Variants in AR observed in about 807,000 individuals in gnomAD.
AR encodes androgen receptor, also known as dihydrotestosterone receptor.
In AR, 8 loss-of-function variants were observed where a neutral mutation model predicts 53.9. The observed-to-expected ratio is 0.15, with a 90% CI of 0.09 to 0.27. The LOEUF is 0.27. Ranked by LOEUF, AR falls within the 10% of genes least tolerant of loss-of-function variation. AR has a pLI of 1.00. For missense variants in AR, 639 were observed against 742.5 expected (o/e 0.86, Z 1.62); for synonymous variants, 359 against 316.4 (o/e 1.13, Z -1.43).
chrX:67,696,139 C>T (rs865824566), intron 3 of AR: 8 of 595,876 alleles, frequency 1.3e-5, no homozygotes, highest in African/African-American at 2.7e-5. Flanking sequence ...GATCTTTTTT[C>T]TTTTTTTTTT....
chrX:67,726,488 C>A lies in AR; in HGVS notation c.*2647C>A. ...CTTTACATTTCTCTATCAAATTTTTCATCTTTATGGGTTTCCCAATTGTGA... is the reference window on the plus strand; with the variant it reads ...CTTTACATTTCTCTATCAAATTTTTAATCTTTATGGGTTTCCCAATTGTGA... On this transcript the variant is annotated 3_prime_UTR_variant, in exon 8 of 8. Coordinates refer to ENST00000374690, the MANE Select transcript of AR (RefSeq NM_000044.6). 1 of 175,324 alleles carries A rather than the reference C, an allele frequency of 5.7e-6. No homozygotes were observed. Among genetic ancestry groups the A allele is most frequent in the Non-Finnish European group, 1.1e-5 (1 of 91,463 alleles). 14.4% of individuals were successfully genotyped at this position (175,324 alleles called of 1,213,427 possible). A position where few individuals can be genotyped will look rare whatever the true frequency, so the allele number is the denominator to read the frequency against.
At chrX:67,669,411 A>C (rs1266288451) in intron 2 of AR, among the ~76,000 whole-genome samples, 2 of 111,689 alleles carry the variant, frequency 1.8e-5, no homozygotes, top group African/African-American at 6.5e-5. Flanking sequence ...AAGAAGCTTG[A>C]TATGAATGCA....
chrX:67,634,049 C>A (rs1305814096), intron 1 of AR, among the ~76,000 whole-genome samples: 1 of 110,585 alleles, frequency 9.0e-6, no homozygotes, highest in Non-Finnish European at 1.9e-5. Flanking sequence ...ACTCAGTAAG[C>A]CCATTAAAAA....
chrX:67,603,200 G>T (rs1923462991), intron 1 of AR, among the ~76,000 whole-genome samples: 3 of 111,523 alleles, frequency 2.7e-5, no homozygotes, highest in African/African-American at 9.8e-5. Context: ...GAGAAAATAT[G>T]GAGCCTGGAA....
At chrX:67,627,454 C>A (rs1336466056) in intron 1 of AR, among the ~76,000 whole-genome samples, 1 of 111,945 alleles carries the variant, frequency 8.9e-6, no homozygotes, top group Non-Finnish European at 1.9e-5. Context: ...TGTTCATATC[C>A]TTCGCCCACT....
chrX:67,547,552 C>A (rs1929815084), intron 1 of AR, among the ~76,000 whole-genome samples: 1 of 111,735 alleles, frequency 8.9e-6, no homozygotes, highest in African/African-American at 3.3e-5. Flanking sequence ...TATAACAGAT[C>A]CACAGCCCCC....
chrX:67,642,000 C>T (rs1175640705), intron 1 of AR, among the ~76,000 whole-genome samples: 1 of 110,200 alleles, frequency 9.1e-6, no homozygotes, highest in African/African-American at 3.3e-5. Context: ...TCCTGCACTT[C>T]CCCTCTCCAA....
chrX:67,689,252 T>C (rs2075983023), intron 3 of AR, among the ~76,000 whole-genome samples: 1 of 111,682 alleles, frequency 9.0e-6, no homozygotes, highest in Non-Finnish European at 1.9e-5. Flanking sequence ...TTGAGTGCTT[T>C]GATACATCGT....
At chrX:67,575,994 G>GA (rs1011176158) in intron 1 of AR, among the ~76,000 whole-genome samples, 2 of 111,524 alleles carry the variant, frequency 1.8e-5, no homozygotes, top group African/African-American at 6.5e-5. Context: ...AGAATTATGA[G>GA]AAAAAAAGTC....
chrX:67,652,488 T>G (rs1926391711), intron 2 of AR, among the ~76,000 whole-genome samples: 1 of 112,179 alleles, frequency 8.9e-6, no homozygotes, highest in South Asian at 3.7e-4. Flanking sequence ...AAAAATCTGG[T>G]CAAACCATTT....
chrX:67,560,944 C>T (rs771098443), intron 1 of AR, among the ~76,000 whole-genome samples: 4 of 111,924 alleles, frequency 3.6e-5, no homozygotes, highest in Non-Finnish European at 7.5e-5. Context: ...GGCTAGAAAT[C>T]TCTAGTTTAT....
intron 3 of AR, 105 bp downstream of exon 3, chrX:67,686,231 G>C (rs2075966120): frequency 3.4e-6 from 3 of 884,007 alleles, no homozygotes; most frequent in Admixed American, 5.2e-5. Flanking sequence ...CTTCCAAGGG[G>C]ACCAGCCATG....
At chrX:67,571,410 G>C (rs1921808557) in intron 1 of AR, among the ~76,000 whole-genome samples, 1 of 111,274 alleles carries the variant, frequency 9.0e-6, no homozygotes, top group South Asian at 3.8e-4. Flanking sequence ...GTCAGTCTGT[G>C]ATGTCAGTTG....
At chrX:67,665,364 G>T (rs1461572792) in intron 2 of AR, among the ~76,000 whole-genome samples, 3 of 112,349 alleles carry the variant, frequency 2.7e-5, no homozygotes, top group African/African-American at 6.5e-5. Context: ...TAATAGAAAT[G>T]AACTCTCATT....
At chrX:67,687,196 G>A in intron 3 of AR, among the ~76,000 whole-genome samples, 1 of 111,385 alleles carries the variant, frequency 9.0e-6, no homozygotes, top group Non-Finnish European at 1.9e-5. Context: ...TCTATCTCTG[G>A]CTTTCTGTGA....
intron 1 of AR, among the ~76,000 whole-genome samples, chrX:67,609,938 A>C (rs1417042392): frequency 4.5e-5 from 5 of 111,769 alleles, no homozygotes; most frequent in Non-Finnish European, 9.4e-5. Context: ...AAGACCACTT[A>C]ACTCTTGGAA....
At chrX:67,548,284 G>A (rs1929851447) in intron 1 of AR, among the ~76,000 whole-genome samples, 1 of 111,533 alleles carries the variant, frequency 9.0e-6, no homozygotes, top group Non-Finnish European at 1.9e-5. Flanking sequence ...TTCTTACCAG[G>A]CTTTACATTC....
intron 1 of AR, among the ~76,000 whole-genome samples, chrX:67,605,638 CCA>C (rs985582534): frequency 1.7e-4 from 19 of 111,971 alleles, no homozygotes; most frequent in African/African-American, 6.2e-4. Context: ...TGTTTTACAG[CCA>C]CTCTGTGGGC....
chrX:67,711,054 G>A (rs763807393), intron 3 of AR, among the ~76,000 whole-genome samples: 2 of 111,975 alleles, frequency 1.8e-5, no homozygotes, highest in South Asian at 7.4e-4. Flanking sequence ...ATGAATGAAC[G>A]AAAATGAATC....
Sources: gnomAD v4.1 joint callset for allele counts (sites outside exome capture counted in the v4.1 genomes callset) on GRCh38, gnomAD v4.1.1 for gene constraint, MANE v1.5 for transcripts, NCBI Gene and HGNC (gene_info 2026-07-23, HGNC 2026-07-21) for gene names.